EVC: variants seen among roughly 807,000 people sequenced by gnomAD.
EVC encodes the protein evC complex member EVC.
EVC carries 116 observed loss-of-function variants against 118.9 expected under a neutral mutation model. The ratio of observed to expected loss-of-function variants is 0.98; its 90% CI spans 0.84 to 1.14. EVC has a LOEUF of 1.14. Among genes scored for constraint, EVC ranks in the 50% most tolerant of loss-of-function variants. The pLI is 0.00. For missense variants in EVC, 1,401 were observed against 1,246.4 expected, an observed-to-expected ratio of 1.12 and a Z score of -1.87; for synonymous variants, 619 against 534.7, an observed-to-expected ratio of 1.16 and a Z score of -2.18.
In EVC at chr4:5,798,869, T is replaced by C. The variant is rs2152346450; in HGVS notation, c.2304+77T>C. The C allele has an allele frequency of 6.9e-7, 1 of 1,445,260 alleles. No individual in the cohort carries two copies. The highest frequency in any genetic ancestry group is 1.9e-5 in the Admixed American group (1 of 51,982). 89.5% of individuals were successfully genotyped at this position (1,445,260 alleles called of 1,614,324 possible). ...TAGGGTCCATGCCTGGGTCTGCTCC[T>C]TGCCACACCGTTCATGGAGCTTGTG... is the stretch of plus-strand genomic sequence containing the variant. On this transcript the variant is annotated intron_variant, in intron 15 of 20. Transcript: ENST00000264956. The surrounding 1 kb of genome is among the most constrained non-coding windows in gnomAD (Gnocchi z 4.1).
At chr4:5,727,118 C>G (rs1299015751) in intron 2 of EVC, among the ~76,000 whole-genome samples, 1 of 152,044 alleles carries the variant, frequency 6.6e-6, no homozygotes, top group Non-Finnish European at 1.5e-5. Flanking sequence ...AATGGTATTT[C>G]CAGTTCTAGA....
In EVC at chr4:5,743,085, G is replaced by A. The variant is rs1490724665; in HGVS notation, c.801+1271G>A. 3.3e-5 allele frequency among the ~76,000 whole-genome samples: 5 copies of A among 152,230 alleles called. No individual in the cohort carries two copies. Among genetic ancestry groups the A allele is most frequent in the Non-Finnish European group, 7.3e-5 (5 of 68,034 alleles). On this transcript the variant is annotated intron_variant, in intron 6 of 20. Coordinates refer to ENST00000264956, the MANE Select transcript of EVC (RefSeq NM_153717.3). This position sits in a 1 kb window ranked among gnomAD's most constrained non-coding sequence, Gnocchi z 4.7. ...AAAAGGGGACAGTAACTTCTGGGTT[G>A]TTGCCATGGAAAAGGGTGGTAACTT...
chr4:5,790,474 T>G (rs1046343478), intron 12 of EVC, among the ~76,000 whole-genome samples: 2 of 152,106 alleles, frequency 1.3e-5, no homozygotes, highest in African/African-American at 4.8e-5. Flanking sequence ...GGTACAGCCT[T>G]TTACAAAGCC....
intron 17 of EVC, 51 bp from the exon 18 acceptor site, chr4:5,808,150 C>T (rs1455583219): frequency 2.6e-6 from 2 of 782,738 alleles, no homozygotes; most frequent in Non-Finnish European, 4.3e-6. Flanking sequence ...TCCCTCCCTC[C>T]CTCCCTCCCT....
At chr4:5,767,069 A>G (rs1411746335) in intron 11 of EVC, among the ~76,000 whole-genome samples, 1 of 149,238 alleles carries the variant, frequency 6.7e-6, no homozygotes, top group African/African-American at 2.5e-5. Flanking sequence ...TGATGTACAG[A>G]TGGGTTTTTG....
chr4:5,729,957 G>A (rs565177908), intron 3 of EVC, among the ~76,000 whole-genome samples: 66 of 152,306 alleles, frequency 4.3e-4, no homozygotes, highest in African/African-American at 1.6e-3. Context: ...CTTCCATGGC[G>A]CTTCCAGGAG....
Position 5,716,743 on chromosome 4 carries a change from A to G in EVC, c.175-2505A>G, listed in dbSNP as rs561302606. Among the ~76,000 whole-genome samples the G allele has an allele frequency of 7.9e-5, 12 of 152,344 alleles. No homozygotes were observed. In the East Asian group the frequency reaches 2.1e-3, roughly 27 times the overall value. On this transcript the variant is annotated intron_variant, in intron 1 of 20. Transcript: ENST00000264956. The stretch of plus-strand genomic sequence containing the variant: ...AAGTTGTTGATAATTTCCCTTGAAG[A>G]AAGTCAGGATTTTCCTTTATTTCCA...
rs1042659387 is a variant in EVC, at chr4:5,743,303, G to C, written c.801+1489G>C. Reference sequence around the variant, plus strand: ...TGTGATCAGAAAACAAGTCCTGCCAGTCTCCTACCTCACCTTATCCTCACC... The same window carrying C: ...TGTGATCAGAAAACAAGTCCTGCCACTCTCCTACCTCACCTTATCCTCACC... On this transcript the variant is annotated intron_variant, in intron 6 of 20. Transcript: ENST00000264956. This position sits in a 1 kb window ranked among gnomAD's most constrained non-coding sequence, Gnocchi z 4.7. 2.0e-5 allele frequency among the ~76,000 whole-genome samples: 3 copies of C among 152,132 alleles called. No homozygotes were observed. Among genetic ancestry groups the C allele is most frequent in the African/African-American group, 7.2e-5 (3 of 41,432 alleles).
chr4:5,773,050 G>C (rs1310188859), intron 11 of EVC, among the ~76,000 whole-genome samples: 1 of 152,182 alleles, frequency 6.6e-6, no homozygotes, highest in Admixed American at 6.5e-5. Flanking sequence ...AACTCCCTCG[G>C]GTCTGGGTCC....
chr4:5,720,268 C>T (rs1194995575), intron 2 of EVC, among the ~76,000 whole-genome samples: 1 of 152,144 alleles, frequency 6.6e-6, no homozygotes, highest in Non-Finnish European at 1.5e-5. Flanking sequence ...TGAGTGATGC[C>T]AACACTCACG....
At chr4:5,739,423 A>G (rs923609615) in intron 5 of EVC, among the ~76,000 whole-genome samples, 1 of 152,168 alleles carries the variant, frequency 6.6e-6, no homozygotes, top group Admixed American at 6.5e-5. Context: ...GCAGGAGGCA[A>G]GTGGCCCCTG....
chr4:5,802,239 T>TTTGAGACAAAGCACG, intron 16 of EVC, 145 bp downstream of exon 16: 1 of 1,237,842 alleles, frequency 8.1e-7, no homozygotes, highest in Non-Finnish European at 1.1e-6. Flanking sequence ...TCCCGTGCTT[T>TTTGAGACAAAGCACG]GTCTCAAAAA....
chr4:5,767,960 T>C (rs1180774937), intron 11 of EVC, among the ~76,000 whole-genome samples: 1 of 152,224 alleles, frequency 6.6e-6, no homozygotes, highest in Non-Finnish European at 1.5e-5. Flanking sequence ...CTTTTCTTCC[T>C]CAGTCTGCTA....
At position 5,806,204 on chromosome 4, in the gene EVC, C is replaced by T. The variant is rs560431936; in HGVS notation, c.2561+1363C>T. 2.2e-4 allele frequency among the ~76,000 whole-genome samples: 34 copies of T among 152,042 alleles called. No homozygotes were observed. In the South Asian group the frequency reaches 4.4e-3, roughly 20 times the overall value. On this transcript the variant is annotated intron_variant, in intron 17 of 20. Transcript: ENST00000264956. ...AAGCGATTCTCTTGCCTCAGTCTCC[C>T]GAGTAGCTGGGATTACAGGCGCGCA...
In EVC at chr4:5,810,949, T is replaced by C. The variant is rs775049818; in HGVS notation, c.2895-4T>C. 154 of 1,611,190 alleles carry C rather than the reference T, an allele frequency of 9.6e-5. No individual in the cohort carries two copies. The highest frequency in any genetic ancestry group is 1.2e-4 in the Non-Finnish European group (145 of 1,178,586). On this transcript the variant is annotated splice_region_variant and splice_polypyrimidine_tract_variant and intron_variant, in intron 20 of 20. Transcript: ENST00000264956. ...AACTGGCTGCCTTTCTTCTCTGTTT[T>C]AAGCAGCAAAAGGCTGAGTCAGCAA...
intron 11 of EVC, among the ~76,000 whole-genome samples, chr4:5,764,809 CT>C (rs1732618758): frequency 6.9e-6 from 1 of 145,818 alleles, no homozygotes; most frequent in African/African-American, 2.6e-5. Flanking sequence ...CTTTATTAGT[CT>C]TGCTAGCAGT....
Position 5,798,605 on chromosome 4 carries a change from A to C in EVC, c.2117A>C (p.Glu706Ala), listed in dbSNP as rs752901623. Residue 706 changes from glutamate to alanine, a missense_variant, in exon 15 of 21, where the codon GAG becomes GCG. Physicochemically the swap from Glu to Ala is moderately radical, Grantham distance 107. Transcript: ENST00000264956. This position sits in a 1 kb window ranked among gnomAD's most constrained non-coding sequence, Gnocchi z 4.1. The stretch of plus-strand genomic sequence containing the variant: ...TCCCAGGAGGCGCGTGTGCTGGAGG[A>C]GGCCAGCCGGCTAGAGGAGGAAGCA... ...LRALEARVLE[E>A]ASRLEEEAQQ... 2.5e-6 allele frequency: 4 copies of C among 1,573,434 alleles called. No homozygotes were observed. In the South Asian group the frequency reaches 4.7e-5, roughly 18 times the overall value.
At chr4:5,783,983 G>A (rs921628025) in intron 12 of EVC, among the ~76,000 whole-genome samples, 2 of 152,150 alleles carry the variant, frequency 1.3e-5, no homozygotes, top group Non-Finnish European at 2.9e-5. Flanking sequence ...ACCTTAAGTT[G>A]ATCGATTAAG....
At chr4:5,797,333 T>G in intron 14 of EVC, 101 bp downstream of exon 14, 1 of 1,026,238 alleles carries the variant, frequency 9.7e-7, no homozygotes, top group South Asian at 1.4e-5. Context: ...CCTATCACCC[T>G]TGGTGCTGCA....
Sources: allele counts gnomAD v4.1 joint callset (sites outside exome capture counted in the v4.1 genomes callset), GRCh38; gene constraint gnomAD v4.1.1; non-coding constraint Gnocchi (gnomAD v3.1); transcripts MANE v1.5; gene names NCBI Gene and HGNC (gene_info 2026-07-23, HGNC 2026-07-21).